Variants in SAMD8 observed in about 807,000 individuals in gnomAD.
SAMD8 encodes the protein sterile alpha motif domain containing 8.
A neutral mutation model predicts 42.0 loss-of-function variants in SAMD8; 20 were observed. The ratio of observed to expected loss-of-function variants is 0.48; its 90% confidence interval spans 0.34 to 0.69. SAMD8 has a LOEUF of 0.69. SAMD8 is among the 30% of genes least tolerant of loss of function. The pLI, the probability that SAMD8 is intolerant of heterozygous loss-of-function variation, is 0.01. For synonymous variants in SAMD8, 162 were observed against 173.0 expected (o/e 0.94, Z 0.50); for missense variants, 328 against 511.6 (o/e 0.64, Z 3.46).
intron 2 of SAMD8, among the ~76,000 whole-genome samples, chr10:75,156,215 C>CAGTA (rs557120632): frequency 4.6e-5 from 7 of 152,000 alleles, no homozygotes; most frequent in South Asian, 2.1e-4. Context: ...TTGTTTGTCT[C>CAGTA]AGTAAGTAAG....
In SAMD8 at chr10:75,150,978, G is replaced by A. The variant is rs780724253; in HGVS notation, c.450G>A (p.Trp150Ter). 2 of 1,613,410 alleles carry A rather than the reference G, an allele frequency of 1.2e-6. No individual in the cohort carries two copies. The highest frequency in any genetic ancestry group is 1.7e-6 in the Non-Finnish European group (2 of 1,179,694). ...TTCGAAGATTGGACCCAGAATACTG[G>A]AAGACTATACTGAGTTGTATATATG... The part of the protein sequence containing the change: ...HSVRRLDPEY[W>*]KTILSCIYVF... Residue 150 changes from tryptophan to a stop codon, truncating the protein, a stop_gained, in exon 2 of 6, where the codon TGG becomes TGA. Transcript: ENST00000542569. LOFTEE classifies it high-confidence loss of function.
rs1003923090 is a variant in SAMD8 at position 75,171,160 on chromosome 10, C to CTTTTTTTTTTTT, written c.792+2515_792+2526dup. ...TCCTTTTCTTTCTTTCTTTCTTTTT[C>CTTTTTTTTTTTT]TTTTTTTTTTTTTTTTTTTTTTTTG... On this transcript the variant is annotated intron_variant, in intron 4 of 5. Transcript: ENST00000542569. 1.9e-3 allele frequency among the ~76,000 whole-genome samples: 128 copies of CTTTTTTTTTTTT among 68,526 alleles called. 2 individuals are homozygous for CTTTTTTTTTTTT. The highest frequency in any genetic ancestry group is 4.0e-3 in the African/African-American group (69 of 17,380). The allele number at this position is 68,526 out of a possible 152,430, so 45.0% of individuals were successfully genotyped here.
intron 1 of SAMD8, among the ~76,000 whole-genome samples, chr10:75,129,825 TAGGTAAA>T (rs1849234473): frequency 1.3e-5 from 2 of 152,126 alleles, no homozygotes; most frequent in Non-Finnish European, 1.5e-5. Flanking sequence ...AATAAACAAC[TAGGTAAA>T]TCTAGAATAC....
chr10:75,105,737 G>A (rs1236229380), intron 1 of SAMD8: 3 of 1,554,568 alleles, frequency 1.9e-6, no homozygotes, highest in South Asian at 1.2e-5. Context: ...CCTCGGTTGG[G>A]GAAGACCCAT....
chr10:75,100,428 G>T (rs951512078), intron 1 of SAMD8, among the ~76,000 whole-genome samples: 1 of 152,126 alleles, frequency 6.6e-6, no homozygotes, highest in African/African-American at 2.4e-5. Context: ...CACCCCCCCA[G>T]GGACTCGTCC....
upstream of SAMD8, chr10:75,111,460 C>T (rs374572802): frequency 1.4e-4 from 174 of 1,203,488 alleles, no homozygotes; most frequent in East Asian, 3.2e-3. Flanking sequence ...GGTAGAACCC[C>T]GTCCCCGGCC....
At chr10:75,150,061 T>C (rs1343418222) in intron 1 of SAMD8, among the ~76,000 whole-genome samples, 3 of 126,900 alleles carry the variant, frequency 2.4e-5, no homozygotes, top group African/African-American at 6.9e-5. Flanking sequence ...TATGTGTGCG[T>C]GTGTGTGTGT....
chr10:75,152,338 C>T (rs1466679113), intron 2 of SAMD8, among the ~76,000 whole-genome samples: 2 of 146,654 alleles, frequency 1.4e-5, no homozygotes, highest in East Asian at 4.2e-4. Context: ...CCGGCTAAAA[C>T]GGTGAAACCC....
rs1328381046 is a variant in SAMD8 at position 75,180,142 on chromosome 10, C to T, written c.*3450C>T. 2 of 150,712 alleles carry T rather than the reference C, an allele frequency of 1.3e-5. No individual in the cohort carries two copies. Among genetic ancestry groups the T allele is most frequent in the Admixed American group, 1.3e-4 (2 of 15,220 alleles). The allele number at this position is 150,712 out of a possible 1,614,324, so 9.3% of individuals were successfully genotyped here. On this transcript the variant is annotated 3_prime_UTR_variant, in exon 6 of 6. Coordinates refer to ENST00000542569, the MANE Select transcript of SAMD8 (RefSeq NM_001174156.2). Reference sequence around the variant, plus strand: ...TATCACAAAATAATTTGGGGGAAACCTTTCGTGGCTGTGCTGCAAGAATTC... The same window carrying T: ...TATCACAAAATAATTTGGGGGAAACTTTTCGTGGCTGTGCTGCAAGAATTC...
intron 3 of SAMD8, among the ~76,000 whole-genome samples, chr10:75,166,783 G>A (rs1052228191): frequency 4.6e-5 from 7 of 152,166 alleles, no homozygotes; most frequent in Admixed American, 4.6e-4. Context: ...TTCAAAACTG[G>A]AGTTTACCTT....
At chr10:75,101,867 C>T (rs1430695242) in intron 1 of SAMD8, 8 of 1,366,564 alleles carry the variant, frequency 5.9e-6, no homozygotes, top group Non-Finnish European at 7.8e-6. Flanking sequence ...ACTCACCCAC[C>T]TGTGGGAGTA....
intron 1 of SAMD8, among the ~76,000 whole-genome samples, chr10:75,136,200 G>A (rs1341346724): frequency 6.6e-6 from 1 of 151,988 alleles, no homozygotes; most frequent in East Asian, 1.9e-4. Flanking sequence ...GGTAGATGAA[G>A]TAGCCAGATC....
rs1325446466 is a variant in SAMD8, at chr10:75,176,471, G to C, written c.1027G>C (p.Glu343Gln). The C allele has an allele frequency of 6.4e-7, 1 of 1,551,326 alleles. No individual in the cohort carries two copies. ...FGIFFILAAH[E>Q]HYSIDVFIAF... ...AATCTTCTTCATCTTGGCTGCCCAT[G>C]AACATTATTCTATTGATGTGTTTAT... The change falls in exon 6 of 6, where the codon GAA becomes CAA. Residue 343 changes from glutamate to glutamine, a missense_variant. By Grantham distance (29) the Glu-to-Gln change is conservative. Transcript: ENST00000542569. The surrounding 1 kb of genome is among the most constrained non-coding windows in gnomAD (Gnocchi z 4.3).
At chr10:75,132,015 T>A (rs1022169428) in intron 1 of SAMD8, among the ~76,000 whole-genome samples, 2 of 152,216 alleles carry the variant, frequency 1.3e-5, no homozygotes, top group Non-Finnish European at 2.9e-5. Context: ...TATTCTAATG[T>A]ATAGCCAGGG....
rs2135164 is a variant in SAMD8, at chr10:75,180,015, C to G, written c.*3323C>G. 0.19 allele frequency: 28,619 copies of G among 149,026 alleles called. 2,966 individuals are homozygous for G. The highest frequency in any genetic ancestry group is 0.26 in the East Asian group (1,334 of 5,098). The allele number at this position is 149,026 out of a possible 1,614,324, so 9.2% of individuals were successfully genotyped here. On this transcript the variant is annotated 3_prime_UTR_variant, in exon 6 of 6. Coordinates refer to ENST00000542569, the MANE Select transcript of SAMD8 (RefSeq NM_001174156.2). ...TGGCAGCAGTGTTGCCTTTTTTTTT[C>G]TTTTCCTTTTTTTTTTTTAAAGACC...
chr10:75,137,264 G>A (rs1340073556), intron 1 of SAMD8, among the ~76,000 whole-genome samples: 1 of 152,174 alleles, frequency 6.6e-6, no homozygotes, highest in Non-Finnish European at 1.5e-5. Context: ...TCTGGGCTGG[G>A]CGTGGTGACT....
chr10:75,134,093 G>C (rs1280827486), intron 1 of SAMD8, among the ~76,000 whole-genome samples: 1 of 152,088 alleles, frequency 6.6e-6, no homozygotes, highest in Non-Finnish European at 1.5e-5. Context: ...CTCAGTAATG[G>C]TATTGCTGGG....
At chr10:75,164,539 T>C (rs1278160565) in intron 2 of SAMD8, 106 bp from the exon 3 acceptor site, 3 of 1,489,544 alleles carry the variant, frequency 2.0e-6, no homozygotes, top group African/African-American at 2.8e-5. Context: ...AGATAAGTTA[T>C]ATAAAACCAA....
chr10:75,123,704 T>G (rs1849059300), intron 1 of SAMD8, among the ~76,000 whole-genome samples: 1 of 152,088 alleles, frequency 6.6e-6, no homozygotes, highest in Non-Finnish European at 1.5e-5. Context: ...TTCTTTCTTT[T>G]TTTTTTGAGG....
Sources: gnomAD v4.1 joint callset for allele counts (sites outside exome capture counted in the v4.1 genomes callset) on GRCh38, gnomAD v4.1.1 for gene constraint, Gnocchi (gnomAD v3.1) non-coding constraint, MANE v1.5 for transcripts, NCBI Gene and HGNC (gene_info 2026-07-23, HGNC 2026-07-21) for gene names.